Variants in UBE3B observed in about 807,000 individuals in gnomAD.
The protein encoded by UBE3B is ubiquitin-protein ligase E3B.
Under a neutral mutation model 132.3 loss-of-function variants are expected in UBE3B, and 80 were observed. That is an observed-to-expected ratio of 0.60 (90% CI 0.50 to 0.73). UBE3B has a LOEUF of 0.73. Ranked by LOEUF, UBE3B falls within the 30% of genes least tolerant of loss-of-function variation. UBE3B has a pLI of 0.00. For missense variants in UBE3B, 1,196 were observed against 1,362.5 expected, an observed-to-expected ratio of 0.88 and a Z score of 1.92; for synonymous variants, 487 against 520.4, an observed-to-expected ratio of 0.94 and a Z score of 0.87.
chr12:109,525,895 C>T (rs147363978), intron 23 of UBE3B, among the ~76,000 whole-genome samples: 1 of 152,318 alleles, frequency 6.6e-6, no homozygotes, highest in African/African-American at 2.4e-5. Context: ...AGTGTGTTAC[C>T]TGCGTCCCTT....
intron 19 of UBE3B, among the ~76,000 whole-genome samples, chr12:109,517,615 T>C (rs995221202): frequency 2.0e-5 from 3 of 152,202 alleles, no homozygotes; most frequent in Non-Finnish European, 4.4e-5. Flanking sequence ...GTGCACAGCC[T>C]ACCCATACAT....
At chr12:109,524,986 C>A (rs1289033691) in intron 23 of UBE3B, among the ~76,000 whole-genome samples, 1 of 152,044 alleles carries the variant, frequency 6.6e-6, no homozygotes, top group Non-Finnish European at 1.5e-5. Context: ...GTAGCAGCCT[C>A]CGCGCCCTTT....
At chr12:109,547,697 C>T in the UBE3B span, among the ~76,000 whole-genome samples, 1 of 152,182 alleles carries the variant, frequency 6.6e-6, no homozygotes, top group Non-Finnish European at 1.5e-5. This position sits in a 1 kb window ranked among gnomAD's most constrained non-coding sequence, Gnocchi z 4.1. Flanking sequence ...TGAACCCTCC[C>T]CCAAACCCCA....
chr12:109,478,470 T>C (rs1447434593), intron 1 of UBE3B, among the ~76,000 whole-genome samples: 3 of 152,248 alleles, frequency 2.0e-5, no homozygotes, highest in Admixed American at 2.0e-4. Flanking sequence ...TCGTGTTTCC[T>C]ATTCTTTAAA....
At chr12:109,494,683 A>G (rs1877950555) in intron 9 of UBE3B, among the ~76,000 whole-genome samples, 1 of 152,232 alleles carries the variant, frequency 6.6e-6, no homozygotes, top group Admixed American at 6.5e-5. Flanking sequence ...CATGCTGGGG[A>G]AATCGGTAAT....
At chr12:109,490,498 T>G in intron 8 of UBE3B, 1 of 1,535,998 alleles carries the variant, frequency 6.5e-7, no homozygotes, top group Non-Finnish European at 8.7e-7. Flanking sequence ...AGTGCTGTGA[T>G]GGGCTGTTTC....
At chr12:109,544,823 G>A in the UBE3B span, among the ~76,000 whole-genome samples, 1 of 152,336 alleles carries the variant, frequency 6.6e-6, no homozygotes, top group South Asian at 2.1e-4. Context: ...AACGCTGGTC[G>A]GCTGGGCACA....
chr12:109,502,489 G>A (rs986366718), intron 13 of UBE3B, among the ~76,000 whole-genome samples: 14 of 152,340 alleles, frequency 9.2e-5, no homozygotes, highest in African/African-American at 3.4e-4. Flanking sequence ...TTCTTCTACT[G>A]AGTGTGTTGC....
chr12:109,509,357 AC>A (rs375756386), intron 15 of UBE3B: 36 of 310,122 alleles, frequency 1.2e-4, no homozygotes, highest in African/African-American at 7.7e-4. Context: ...TGCACCTGTC[AC>A]CCCGTCATCT....
chr12:109,515,473 G>A (rs559753334), intron 18 of UBE3B, among the ~76,000 whole-genome samples: 2 of 150,448 alleles, frequency 1.3e-5, no homozygotes, highest in South Asian at 2.1e-4. Flanking sequence ...AAGTTCAAGC[G>A]ATTCTCCTGC....
chr12:109,540,893 G>T (rs551064206), downstream of UBE3B, among the ~76,000 whole-genome samples: 1 of 152,394 alleles, frequency 6.6e-6, no homozygotes, highest in South Asian at 2.1e-4. Context: ...AGCCAGAGCA[G>T]GTGGTGAGGA....
intron 1 of UBE3B, among the ~76,000 whole-genome samples, chr12:109,479,351 C>T (rs898309585): frequency 2.0e-5 from 3 of 152,148 alleles, no homozygotes; most frequent in Admixed American, 6.5e-5. Context: ...GTTGTGATGA[C>T]TAAATTGAGG....
At chr12:109,504,172 G>T (rs974884049) in intron 14 of UBE3B, among the ~76,000 whole-genome samples, 1 of 152,230 alleles carries the variant, frequency 6.6e-6, no homozygotes, top group African/African-American at 2.4e-5. Flanking sequence ...GATGTCTTGG[G>T]CTGGCCCATT....
chr12:109,480,176 C>A (rs1344628679), intron 1 of UBE3B, among the ~76,000 whole-genome samples: 1 of 151,520 alleles, frequency 6.6e-6, no homozygotes, highest in Non-Finnish European at 1.5e-5. Flanking sequence ...CAGGTGGGAG[C>A]CTCTGCTGAA....
Position 109,521,671 on chromosome 12 carries a change from G to C in UBE3B, c.2364+120G>C, listed in dbSNP as rs1881732963. 4 of 910,946 alleles carry C rather than the reference G, an allele frequency of 4.4e-6. No individual in the cohort carries two copies. Among genetic ancestry groups the C allele is most frequent in the Non-Finnish European group, 6.3e-6 (4 of 631,428 alleles). 56.4% of individuals were successfully genotyped at this position (910,946 alleles called of 1,614,324 possible). On this transcript the variant is annotated intron_variant, in intron 21 of 27. Transcript: ENST00000342494. This position sits in a 1 kb window ranked among gnomAD's most constrained non-coding sequence, Gnocchi z 4.2. ...AAACTGTCACTAGGATACAAGCGAG[G>C]ACAGGGGCAGGAACCAAGGTTTGTT... is the stretch of plus-strand genomic sequence containing the variant.
intron 15 of UBE3B, chr12:109,508,597 G>A (rs913365968): frequency 1.1e-5 from 11 of 985,452 alleles, no homozygotes; most frequent in Admixed American, 6.1e-5. Context: ...GACTTTAGCC[G>A]GAGAGGATCA....
chr12:109,527,342 T>C (rs1228437813), intron 24 of UBE3B, among the ~76,000 whole-genome samples: 1 of 152,206 alleles, frequency 6.6e-6, no homozygotes, highest in Non-Finnish European at 1.5e-5. Context: ...GAGCCTGGCA[T>C]GAGAAGCAGA....
intron 8 of UBE3B, chr12:109,490,785 T>TA (rs1877337761): frequency 7.3e-7 from 1 of 1,361,690 alleles, no homozygotes. Context: ...TTTCCTTTTA[T>TA]AAAAACACTG....
intron 18 of UBE3B, among the ~76,000 whole-genome samples, chr12:109,514,411 A>C (rs1046780018): frequency 3.9e-5 from 6 of 152,190 alleles, no homozygotes; most frequent in African/African-American, 1.2e-4. Flanking sequence ...CAGCCTGGAT[A>C]AGCTTGCCTC....
Sources: gnomAD v4.1 joint callset for allele counts (sites outside exome capture counted in the v4.1 genomes callset) on GRCh38, gnomAD v4.1.1 for gene constraint, Gnocchi (gnomAD v3.1) non-coding constraint, MANE v1.5 for transcripts, NCBI Gene and HGNC (gene_info 2026-07-23, HGNC 2026-07-21) for gene names.